TRIO: variants seen among roughly 807,000 people sequenced by gnomAD.
TRIO encodes the protein trio Rho guanine nucleotide exchange factor.
In TRIO, 58 loss-of-function variants were observed where a neutral mutation model predicts 351.9. The observed-to-expected ratio is 0.16, with a 90% CI of 0.13 to 0.21. The LOEUF (loss-of-function observed/expected upper bound fraction) is 0.21. Ranked by LOEUF, TRIO falls within the 10% of genes least tolerant of loss-of-function variation. TRIO has a pLI of 1.00. For missense variants in TRIO, 3,201 were observed against 4,027.8 expected (o/e 0.79, Z 5.56); for synonymous variants, 1,758 against 1,595.7 (o/e 1.10, Z -2.42).
At chr5:14,277,991 C>T (rs1203816281) in intron 2 of TRIO, among the ~76,000 whole-genome samples, 1 of 152,040 alleles carries the variant, frequency 6.6e-6, no homozygotes, top group African/African-American at 2.4e-5. Flanking sequence ...TAAAAATATC[C>T]CAGTGAATTT....
intron 34 of TRIO, among the ~76,000 whole-genome samples, chr5:14,439,128 G>C (rs752616542): frequency 2.6e-5 from 4 of 152,198 alleles, no homozygotes; most frequent in Non-Finnish European, 4.4e-5. Flanking sequence ...CGATTCTCCT[G>C]CCTCAGCCTC....
chr5:14,481,332 T>G, intron 44 of TRIO, 48 bp downstream of exon 44: 1 of 1,606,166 alleles, frequency 6.2e-7, no homozygotes, highest in Non-Finnish European at 8.5e-7. Context: ...CCAGCCTCTT[T>G]TCCTAATCCC....
At chr5:14,405,381 G>T (rs750046279) in intron 31 of TRIO, among the ~76,000 whole-genome samples, 2 of 152,236 alleles carry the variant, frequency 1.3e-5, no homozygotes, top group African/African-American at 2.4e-5. Context: ...AGGCACAGGG[G>T]GCTGGAGGTG....
chr5:14,421,192 T>C (rs921230215), intron 34 of TRIO, among the ~76,000 whole-genome samples: 8 of 150,350 alleles, frequency 5.3e-5, no homozygotes, highest in African/African-American at 1.2e-4. Context: ...ACTGTATCCA[T>C]TTTTTTCTTT....
At chr5:14,453,826 C>CGA (rs1753030125) in intron 34 of TRIO, among the ~76,000 whole-genome samples, 1 of 152,050 alleles carries the variant, frequency 6.6e-6, no homozygotes, top group African/African-American at 2.4e-5. Flanking sequence ...AGAAAGTTAG[C>CGA]GATGGGGTGA....
chr5:14,483,885 G>A (rs1173495844), intron 46 of TRIO, among the ~76,000 whole-genome samples: 4 of 151,612 alleles, frequency 2.6e-5, no homozygotes, highest in South Asian at 2.1e-4. Context: ...TCCCCTGGAC[G>A]GCAGCCATCA....
Position 14,223,397 on chromosome 5 carries a change from A to T in TRIO, c.158-47428A>T, listed in dbSNP as rs188982123. On this transcript the variant is annotated intron_variant, in intron 1 of 56. Coordinates refer to ENST00000344204, the MANE Select transcript of TRIO (RefSeq NM_007118.4). ...TGGGACACAGCAGATCTCAGCGTGC[A>T]CTTTGAGAGCTCCTCCAGGAGCAGG... Among the ~76,000 whole-genome samples the T allele has an allele frequency of 3.3e-3, 497 of 152,288 alleles. 13 individuals carry two copies. Among genetic ancestry groups the T allele is most frequent in the Non-Finnish European group, 4.7e-4 (32 of 68,022 alleles).
At chr5:14,301,496 A>T (rs530474792) in intron 7 of TRIO, among the ~76,000 whole-genome samples, 5 of 152,154 alleles carry the variant, frequency 3.3e-5, no homozygotes, top group African/African-American at 1.2e-4. Flanking sequence ...TTCTGTCCTC[A>T]TCTCCTAAGT....
intron 8 of TRIO, among the ~76,000 whole-genome samples, chr5:14,306,148 CCTT>C (rs1470320693): frequency 6.6e-6 from 1 of 152,230 alleles, no homozygotes; most frequent in African/African-American, 2.4e-5. Context: ...TGTGGGCAGT[CCTT>C]CTCTTTCCCG....
chr5:14,406,979 GAA>G (rs1222216313), intron 33 of TRIO, among the ~76,000 whole-genome samples: 13 of 152,212 alleles, frequency 8.5e-5, no homozygotes, highest in Non-Finnish European at 1.6e-4. Context: ...CTAAGCAGAA[GAA>G]CCTATCATTT....
At chr5:14,409,834 CAAAAAAAAA>C (rs762403574) in intron 33 of TRIO, among the ~76,000 whole-genome samples, 2 of 82,132 alleles carry the variant, frequency 2.4e-5, no homozygotes, top group South Asian at 4.2e-4. Context: ...GACTCCATCT[CAAAAAAAAA>C]AAAAAAAAAA....
rs761862936 is a variant in TRIO, at chr5:14,498,083, A to G, written c.8048-6A>G. ...ATGGGCCTTTACCGACTCCTTTCCCATGCAGTTCCCCCAGAATTCGTCATT... is the reference window on the plus strand; with the variant it reads ...ATGGGCCTTTACCGACTCCTTTCCCGTGCAGTTCCCCCAGAATTCGTCATT... On this transcript the variant is annotated splice_region_variant and splice_polypyrimidine_tract_variant and intron_variant, in intron 51 of 56. Coordinates refer to ENST00000344204, the MANE Select transcript of TRIO (RefSeq NM_007118.4). 14 of 1,614,004 alleles carry G rather than the reference A, an allele frequency of 8.7e-6. No homozygotes were observed. In the South Asian group the frequency reaches 1.5e-4, roughly 18 times the overall value.
At chr5:14,193,590 G>A (rs1051441950) in intron 1 of TRIO, among the ~76,000 whole-genome samples, 1 of 152,146 alleles carries the variant, frequency 6.6e-6, no homozygotes, top group African/African-American at 2.4e-5. Context: ...CAAAAACAAG[G>A]GGTAAGTCAC....
Position 14,207,262 on chromosome 5 carries a change from T to TACACAC in TRIO, c.157+63404_157+63409dup, listed in dbSNP as rs56915481. 5.4e-3 allele frequency among the ~76,000 whole-genome samples: 247 copies of TACACAC among 46,060 alleles called. 13 individuals carry two copies. The highest frequency in any genetic ancestry group is 0.012 in the African/African-American group (136 of 11,306). The allele number at this position is 46,060 out of a possible 152,430, so 30.2% of individuals were successfully genotyped here. A position where few individuals can be genotyped will look rare whatever the true frequency, so the allele number is the denominator to read the frequency against. On this transcript the variant is annotated intron_variant, in intron 1 of 56. Transcript: ENST00000344204. Reference sequence around the variant, plus strand: ...CTGGGCAACATAGCAAGATGGTCTCTACACACACACACACACACACACACA... The same window carrying TACACAC: ...CTGGGCAACATAGCAAGATGGTCTCTACACACACACACACACACACACACACACACA...
intron 34 of TRIO, among the ~76,000 whole-genome samples, chr5:14,443,436 TA>T (rs746596374): frequency 1.3e-5 from 2 of 152,262 alleles, no homozygotes; most frequent in Non-Finnish European, 2.9e-5. Flanking sequence ...ATTCTGATTT[TA>T]CCTATTAAAT....
At chr5:14,313,067 C>G (rs165082) in intron 8 of TRIO, among the ~76,000 whole-genome samples, 3 of 152,118 alleles carry the variant, frequency 2.0e-5, no homozygotes, top group Non-Finnish European at 4.4e-5. Context: ...GGTTTATTGG[C>G]GAAATGCTGT....
At chr5:14,164,278 C>T (rs1401805835) in intron 1 of TRIO, among the ~76,000 whole-genome samples, 4 of 152,168 alleles carry the variant, frequency 2.6e-5, no homozygotes, top group Admixed American at 2.6e-4. Context: ...AGAGCCATTA[C>T]AGGAGTGAGG....
chr5:14,149,190 A>G lies in TRIO; in HGVS notation c.157+5308A>G, dbSNP rs968661746. Among the ~76,000 whole-genome samples, 10 of 152,160 alleles carry G rather than the reference A, an allele frequency of 6.6e-5. 1 individual carries two copies. The highest frequency in any genetic ancestry group is 2.6e-4 in the Admixed American group (4 of 15,280). Reference sequence around the variant, plus strand: ...CCTGGTCTCCTCCCCCTGTGCCCGCAGAACAGGACTTCGCTCTCACTGCCA... The same window carrying G: ...CCTGGTCTCCTCCCCCTGTGCCCGCGGAACAGGACTTCGCTCTCACTGCCA... On this transcript the variant is annotated intron_variant, in intron 1 of 56. Transcript: ENST00000344204.
chr5:14,367,780 A>G (rs1400569720), intron 16 of TRIO, among the ~76,000 whole-genome samples: 1 of 152,208 alleles, frequency 6.6e-6, no homozygotes, highest in East Asian at 1.9e-4. Flanking sequence ...TATTCCCTGG[A>G]TTAATTTATT....
Sources: gnomAD v4.1 joint callset for allele counts (sites outside exome capture counted in the v4.1 genomes callset) on GRCh38, gnomAD v4.1.1 for gene constraint, MANE v1.5 for transcripts, NCBI Gene and HGNC (gene_info 2026-07-23, HGNC 2026-07-21) for gene names.